RORA: variants seen among roughly 807,000 people sequenced by gnomAD.
RORA encodes the protein nuclear receptor ROR-alpha.
In RORA, 7 loss-of-function variants were observed where a neutral mutation model predicts 69.5. That is an observed-to-expected ratio of 0.10 (90% CI 0.06 to 0.19). The LOEUF (loss-of-function observed/expected upper bound fraction) is 0.19. RORA is among the 10% of genes least tolerant of loss of function. The pLI is 1.00. For synonymous variants in RORA, 261 were observed against 240.8 expected, an observed-to-expected ratio of 1.08 and a Z score of -0.78; for missense variants, 457 against 663.0, an observed-to-expected ratio of 0.69 and a Z score of 3.41.
chr15:61,195,239 T>C (rs536329203), intron 1 of RORA, among the ~76,000 whole-genome samples: 7 of 152,158 alleles, frequency 4.6e-5, no homozygotes, highest in African/African-American at 1.4e-4. Context: ...CAATATATAA[T>C]ACAGTGCAGC....
chr15:60,585,446 TC>T (rs66815212), intron 2 of RORA, among the ~76,000 whole-genome samples: 1,737 of 152,328 alleles, frequency 0.011, 41 homozygotes, highest in African/African-American at 0.039. Flanking sequence ...ATAGTTTTTT[TC>T]ATCCATGTTT....
chr15:60,588,778 G>T (rs1180869754), intron 2 of RORA, among the ~76,000 whole-genome samples: 1 of 152,184 alleles, frequency 6.6e-6, no homozygotes, highest in Non-Finnish European at 1.5e-5. Flanking sequence ...ATTATTTCAT[G>T]ACTGGGCAGC....
intron 1 of RORA, among the ~76,000 whole-genome samples, chr15:60,750,011 C>G (rs557134365): frequency 4.9e-4 from 75 of 152,344 alleles, no homozygotes; most frequent in Non-Finnish European, 8.2e-4. Context: ...GCCTGGCAAA[C>G]AGAGCAAGAC....
chr15:60,615,242 CA>C (rs1018154715), intron 2 of RORA, among the ~76,000 whole-genome samples: 122 of 152,302 alleles, frequency 8.0e-4, no homozygotes, highest in African/African-American at 2.8e-3. Context: ...CACTTGGGGT[CA>C]GGGGATATAG....
intron 1 of RORA, among the ~76,000 whole-genome samples, chr15:60,723,710 A>G (rs574551796): frequency 6.6e-6 from 1 of 152,270 alleles, no homozygotes; most frequent in African/African-American, 2.4e-5. Flanking sequence ...TGCCATCCAC[A>G]CATCCATTTA....
rs542932809 is a variant in RORA, at chr15:60,795,821, C to T, written c.167-117135G>A. On this transcript the variant is annotated intron_variant, in intron 1 of 10. Transcript: ENST00000335670. ...GACATGCCTTGTAGACTGTAAGGCA[C>T]TGCACCACCATAAAACATTACATAA... 8.1e-4 allele frequency among the ~76,000 whole-genome samples: 123 copies of T among 152,304 alleles called. 1 individual carries two copies. Among genetic ancestry groups the T allele is most frequent in the African/African-American group, 2.8e-3 (118 of 41,568 alleles).
chr15:60,972,308 GACA>G (rs1462933144), intron 1 of RORA, among the ~76,000 whole-genome samples: 8 of 152,260 alleles, frequency 5.3e-5, no homozygotes, highest in Admixed American at 4.6e-4. Flanking sequence ...AAACAACAAG[GACA>G]ACAACAGCAT....
At chr15:60,805,866 T>C (rs1372548800) in intron 1 of RORA, among the ~76,000 whole-genome samples, 4 of 152,228 alleles carry the variant, frequency 2.6e-5, no homozygotes, top group African/African-American at 9.6e-5. Context: ...AGCTCTATAA[T>C]ATGGTATCTT....
intron 1 of RORA, among the ~76,000 whole-genome samples, chr15:60,993,874 A>C (rs1230037228): frequency 6.6e-6 from 1 of 152,184 alleles, no homozygotes; most frequent in Non-Finnish European, 1.5e-5. Context: ...ATCCCTGTAC[A>C]CCAAAGGTAA....
chr15:60,636,813 T>A (rs2069850151), intron 2 of RORA, among the ~76,000 whole-genome samples: 1 of 152,198 alleles, frequency 6.6e-6, no homozygotes, highest in Non-Finnish European at 1.5e-5. Context: ...CGTATGCTTT[T>A]AAAAATCTTC....
chr15:60,845,439 GT>G (rs2073253116), intron 1 of RORA, among the ~76,000 whole-genome samples: 1 of 152,130 alleles, frequency 6.6e-6, no homozygotes, highest in African/African-American at 2.4e-5. Flanking sequence ...CAACCTTTTC[GT>G]TTCCCCAGGC....
At chr15:61,150,520 T>C (rs2079388546) in intron 1 of RORA, among the ~76,000 whole-genome samples, 1 of 152,174 alleles carries the variant, frequency 6.6e-6, no homozygotes, top group Non-Finnish European at 1.5e-5. Context: ...AAAGATAACA[T>C]TCCTAATGAA....
intron 1 of RORA, among the ~76,000 whole-genome samples, chr15:60,766,402 T>C (rs1472697337): frequency 6.6e-6 from 1 of 152,122 alleles, no homozygotes; most frequent in African/African-American, 2.4e-5. Flanking sequence ...ATATACAAAC[T>C]GGATATTCAA....
At chr15:60,627,327 T>G in intron 2 of RORA, 1 of 1,614,194 alleles carries the variant, frequency 6.2e-7, no homozygotes. Flanking sequence ...ACCACGGCAC[T>G]CTTGCCTCAG....
At chr15:60,633,875 C>T (rs2069786359) in intron 2 of RORA, among the ~76,000 whole-genome samples, 1 of 152,110 alleles carries the variant, frequency 6.6e-6, no homozygotes, top group South Asian at 2.1e-4. Flanking sequence ...GTATTTTTAC[C>T]AGGGAAATCC....
chr15:60,850,292 C>A (rs1007254965), intron 1 of RORA, among the ~76,000 whole-genome samples: 6 of 152,162 alleles, frequency 3.9e-5, no homozygotes, highest in Non-Finnish European at 7.3e-5. Context: ...TCAAAGTATA[C>A]CTCCCTGAAA....
At chr15:60,978,959 C>CCCTTTTTTTTT (rs1423510527) in intron 1 of RORA, among the ~76,000 whole-genome samples, 5 of 48,986 alleles carry the variant, frequency 1.0e-4, no homozygotes, top group African/African-American at 3.6e-4. Flanking sequence ...TCCAACTTTG[C>CCCTTTTTTTTT]TCTTTTTTTT....
intron 1 of RORA, among the ~76,000 whole-genome samples, chr15:61,141,906 G>A (rs950619944): frequency 1.1e-4 from 5 of 44,398 alleles, no homozygotes; most frequent in Non-Finnish European, 2.8e-4. Flanking sequence ...GTAGGTTCAG[G>A]AGGGGGAAAG....
chr15:60,862,143 T>C (rs2073440611), intron 1 of RORA, among the ~76,000 whole-genome samples: 1 of 152,232 alleles, frequency 6.6e-6, no homozygotes, highest in South Asian at 2.1e-4. Context: ...TACAAATCTT[T>C]ACCCACCTTT....
Sources: gnomAD v4.1 joint callset for allele counts (sites outside exome capture counted in the v4.1 genomes callset) on GRCh38, gnomAD v4.1.1 for gene constraint, MANE v1.5 for transcripts, NCBI Gene and HGNC (gene_info 2026-07-23, HGNC 2026-07-21) for gene names.